SYK: variants seen among roughly 807,000 people sequenced by gnomAD.
The protein encoded by SYK is spleen associated tyrosine kinase.
Under a neutral mutation model 77.8 loss-of-function variants are expected in SYK, and 16 were observed. The observed-to-expected ratio is 0.21, with a 90% CI of 0.14 to 0.31. The LOEUF is 0.31. SYK is among the 10% of genes least tolerant of loss of function. SYK has a pLI of 1.00. For missense variants in SYK, 529 were observed against 814.4 expected (o/e 0.65, Z 4.26); for synonymous variants, 312 against 308.7 (o/e 1.01, Z -0.11).
chr9:90,884,250 C>CATACACATACACATACGTGTATATAT (rs1828308591), intron 11 of SYK, among the ~76,000 whole-genome samples: 9 of 36,932 alleles, frequency 2.4e-4, no homozygotes, highest in African/African-American at 1.2e-3. Flanking sequence ...TATATATACA[C>CATACACATACACATACGTGTATATAT]ATACACATAC....
chr9:90,807,969 A>G (rs918455083), intron 1 of SYK, among the ~76,000 whole-genome samples: 1 of 152,178 alleles, frequency 6.6e-6, no homozygotes, highest in Non-Finnish European at 1.5e-5. Context: ...TCACTCTGGA[A>G]CTTTCTTTTT....
At chr9:90,857,525 T>C (rs1827088120) in intron 3 of SYK, among the ~76,000 whole-genome samples, 1 of 152,204 alleles carries the variant, frequency 6.6e-6, no homozygotes, top group African/African-American at 2.4e-5. Flanking sequence ...TGGCCTCAGA[T>C]AGGGATTGTG....
chr9:90,869,420 A>G (rs1041268892), intron 7 of SYK, among the ~76,000 whole-genome samples: 1 of 152,240 alleles, frequency 6.6e-6, no homozygotes, highest in African/African-American at 2.4e-5. Context: ...ATAATTTTTA[A>G]AAGATCAAGG....
At chr9:90,863,156 G>A (rs1008562140) in intron 4 of SYK, among the ~76,000 whole-genome samples, 2 of 152,210 alleles carry the variant, frequency 1.3e-5, no homozygotes, top group Non-Finnish European at 1.5e-5. Context: ...CAGCTACACT[G>A]GCTGATGATG....
intron 1 of SYK, among the ~76,000 whole-genome samples, chr9:90,802,196 G>A (rs958233703): frequency 1.3e-5 from 2 of 152,030 alleles, no homozygotes; most frequent in African/African-American, 4.8e-5. Context: ...CAGGGAGCGC[G>A]GAAAGTGCGG....
intron 7 of SYK, 82 bp downstream of exon 7, chr9:90,867,281 G>C: frequency 7.3e-7 from 1 of 1,371,820 alleles, no homozygotes; most frequent in Non-Finnish European, 1.0e-6. Context: ...AGTCTGCCCT[G>C]TGTGTGCGCT....
intron 7 of SYK, among the ~76,000 whole-genome samples, chr9:90,873,427 G>A (rs1018304384): frequency 2.6e-5 from 4 of 152,082 alleles, no homozygotes; most frequent in Non-Finnish European, 5.9e-5. Flanking sequence ...TGGAAGAAAG[G>A]GTGGGTCAGG....
At chr9:90,826,244 C>A (rs1025162412) in intron 1 of SYK, among the ~76,000 whole-genome samples, 1 of 152,228 alleles carries the variant, frequency 6.6e-6, no homozygotes. Context: ...CTTCAGCAAG[C>A]CAGTTGACCC....
At chr9:90,840,465 G>T (rs1048832123) in intron 1 of SYK, among the ~76,000 whole-genome samples, 3 of 151,564 alleles carry the variant, frequency 2.0e-5, no homozygotes, top group African/African-American at 7.3e-5. Context: ...GAATGCAGGC[G>T]TGAGCCACCG....
At chr9:90,871,937 C>T (rs1232640672) in intron 7 of SYK, among the ~76,000 whole-genome samples, 2 of 152,132 alleles carry the variant, frequency 1.3e-5, no homozygotes, top group African/African-American at 4.8e-5. Context: ...GGAAGATCTC[C>T]CATCTGTTTC....
chr9:90,895,612 C>G lies in SYK; in HGVS notation c.*12C>G. On this transcript the variant is annotated 3_prime_UTR_variant, in exon 14 of 14. Transcript: ENST00000375754. This position sits in a 1 kb window ranked among gnomAD's most constrained non-coding sequence, Gnocchi z 4.4. ...ACGTGGTGAACTAACCGCTCCCGCA[C>G]CTGTCGGTGGCTGCCTTTGATCACA... is the stretch of plus-strand genomic sequence containing the variant. The G allele has an allele frequency of 6.2e-7, 1 of 1,613,214 alleles. No homozygotes were observed. Among genetic ancestry groups the G allele is most frequent in the Non-Finnish European group, 8.5e-7 (1 of 1,179,284 alleles).
chr9:90,843,211 T>C (rs565465381), intron 1 of SYK, among the ~76,000 whole-genome samples: 2 of 152,276 alleles, frequency 1.3e-5, no homozygotes, highest in South Asian at 4.1e-4. Flanking sequence ...TCTCAGGCAG[T>C]GGCTTGTTGC....
chr9:90,881,651 G>T (rs1011610681), intron 11 of SYK, among the ~76,000 whole-genome samples: 2 of 129,228 alleles, frequency 1.5e-5, no homozygotes, highest in Non-Finnish European at 3.1e-5. Context: ...CTGCACTCTA[G>T]CCTGGCCAAC....
Position 90,841,781 on chromosome 9 carries a change from GTGTGTGTAGTGTGTTA to G in SYK, c.-41-2061_-41-2046del, listed in dbSNP as rs1365116025. On this transcript the variant is annotated intron_variant, in intron 1 of 13. Coordinates refer to ENST00000375754, the MANE Select transcript of SYK (RefSeq NM_003177.7). Reference sequence around the variant, plus strand: ...GTGTATGTGATGTGTGTAGTACATGGTGTGTGTAGTGTGTTATGTGTGTAGTGTGTTGTATGTGGTG... The same window carrying G: ...GTGTATGTGATGTGTGTAGTACATGGTGTGTGTAGTGTGTTGTATGTGGTG... Among the ~76,000 whole-genome samples, 22 of 151,084 alleles carry G rather than the reference GTGTGTGTAGTGTGTTA, an allele frequency of 1.5e-4. No homozygotes were observed. In the East Asian group the frequency reaches 2.8e-3, roughly 19 times the overall value.
At chr9:90,886,476 C>T (rs1330149582) in intron 11 of SYK, among the ~76,000 whole-genome samples, 1 of 152,146 alleles carries the variant, frequency 6.6e-6, no homozygotes, top group Admixed American at 6.5e-5. Context: ...AAGCCCGAGG[C>T]AGGCAGATCA....
rs747713148 is a variant in SYK, at chr9:90,895,335, G to A, written c.1836-193G>A. 2.6e-5 allele frequency among the ~76,000 whole-genome samples: 4 copies of A among 152,178 alleles called. No individual in the cohort carries two copies. Among genetic ancestry groups the A allele is most frequent in the Non-Finnish European group, 2.9e-5 (2 of 68,030 alleles). On this transcript the variant is annotated intron_variant, in intron 13 of 13. Transcript: ENST00000375754. This position sits in a 1 kb window ranked among gnomAD's most constrained non-coding sequence, Gnocchi z 4.4. ...ATATGGGTTATTTAGGTCTACAGTA[G>A]GCCGACACTATTTTTGACAGCCTTG...
intron 1 of SYK, among the ~76,000 whole-genome samples, chr9:90,815,625 G>C (rs576338132): frequency 1.2e-4 from 18 of 152,374 alleles, no homozygotes; most frequent in Middle Eastern, 3.4e-3. Flanking sequence ...CAAAAGGCGC[G>C]ATCAAGATTC....
chr9:90,862,092 G>A, intron 3 of SYK, 114 bp from the exon 4 acceptor site: 1 of 1,331,398 alleles, frequency 7.5e-7, no homozygotes. Flanking sequence ...TGCCTTGCCA[G>A]GTGACAGGCC....
Position 90,897,846 on chromosome 9 carries a change from C to T in SYK, c.*2246C>T, listed in dbSNP as rs199914885. On this transcript the variant is annotated 3_prime_UTR_variant, in exon 14 of 14. Coordinates refer to ENST00000375754, the MANE Select transcript of SYK (RefSeq NM_003177.7). ...CCCACTGTGGCCAGCACGAGGAAGT[C>T]TTTTCTAGTGAAAATGTGTCTTGTG... is the stretch of plus-strand genomic sequence containing the variant. 17 of 223,978 alleles carry T rather than the reference C, an allele frequency of 7.6e-5. No individual in the cohort carries two copies. In the East Asian group the frequency reaches 8.4e-4, roughly 11 times the overall value. The allele number at this position is 223,978 out of a possible 1,614,324, so 13.9% of individuals were successfully genotyped here.
Sources: gnomAD v4.1 joint callset for allele counts (sites outside exome capture counted in the v4.1 genomes callset) on GRCh38, gnomAD v4.1.1 for gene constraint, Gnocchi (gnomAD v3.1) non-coding constraint, MANE v1.5 for transcripts, NCBI Gene and HGNC (gene_info 2026-07-23, HGNC 2026-07-21) for gene names.